SMIM10L3: variants seen among roughly 807,000 people sequenced by gnomAD.
The protein encoded by SMIM10L3 is salivary gland specific protein SAGSIN1.
At chr7:6,333,406 T>C in the SMIM10L3 span, among the ~76,000 whole-genome samples, 2 of 152,006 alleles carry the variant, frequency 1.3e-5, no homozygotes, top group African/African-American at 2.4e-5. Flanking sequence ...TGGTTCAGAA[T>C]AGACACACTA....
At chr7:6,336,551 C>G in the SMIM10L3 span, among the ~76,000 whole-genome samples, 8 of 151,854 alleles carry the variant, frequency 5.3e-5, no homozygotes, top group Admixed American at 2.6e-4. Context: ...TATGGTTGCA[C>G]ATGCCTATAA....
At chr7:6,344,608 G>A in the SMIM10L3 span, among the ~76,000 whole-genome samples, 18 of 152,130 alleles carry the variant, frequency 1.2e-4, no homozygotes, top group East Asian at 7.7e-4. Context: ...TTGTAGAGAC[G>A]GAGTTTCGCC....
At chr7:6,338,883 A>C in the SMIM10L3 span, among the ~76,000 whole-genome samples, 1 of 152,330 alleles carries the variant, frequency 6.6e-6, no homozygotes, top group Admixed American at 6.5e-5. Context: ...TAAAACCAGC[A>C]GGGCCGCGGT....
the SMIM10L3 span, chr7:6,331,290 G>T: frequency 1.3e-6 from 1 of 756,360 alleles, no homozygotes; most frequent in Non-Finnish European, 2.1e-6. Flanking sequence ...GGTCTTAAGA[G>T]CATCTACACC....
the SMIM10L3 span, among the ~76,000 whole-genome samples, chr7:6,348,305 C>G: frequency 1.3e-5 from 2 of 152,018 alleles, no homozygotes; most frequent in Non-Finnish European, 2.9e-5. Flanking sequence ...CAACACCTTT[C>G]CAGCCCATGC....
chr7:6,329,623 G>A, the SMIM10L3 span: 1 of 161,116 alleles, frequency 6.2e-6, no homozygotes, highest in East Asian at 1.9e-4. Flanking sequence ...ACGACAACAG[G>A]AGTCACCTTG....
chr7:6,341,644 C>G, the SMIM10L3 span, among the ~76,000 whole-genome samples: 67 of 148,934 alleles, frequency 4.5e-4, no homozygotes, highest in Non-Finnish European at 5.0e-4. Context: ...GAGCTGAGAT[C>G]GCGCCACCGC....
At chr7:6,346,939 G>C in the SMIM10L3 span, among the ~76,000 whole-genome samples, 1 of 152,158 alleles carries the variant, frequency 6.6e-6, no homozygotes, top group East Asian at 1.9e-4. Flanking sequence ...CTTCAGCACA[G>C]AGGTATGCAA....
the SMIM10L3 span, among the ~76,000 whole-genome samples, chr7:6,332,020 G>T: frequency 2.6e-5 from 4 of 151,374 alleles, no homozygotes; most frequent in African/African-American, 9.7e-5. Flanking sequence ...GCTGAGGTGG[G>T]AGAATCGCTT....
chr7:6,332,898 T>C, the SMIM10L3 span, among the ~76,000 whole-genome samples: 782 of 152,178 alleles, frequency 5.1e-3, 6 homozygotes, highest in African/African-American at 0.018. Flanking sequence ...CAGTGGCTCA[T>C]GCCTGTAATC....
the SMIM10L3 span, among the ~76,000 whole-genome samples, chr7:6,348,040 A>G: frequency 6.6e-6 from 1 of 151,288 alleles, no homozygotes; most frequent in Admixed American, 6.6e-5. Flanking sequence ...CCTCCCGAGT[A>G]GCTGGGATTA....
chr7:6,343,640 T>G, the SMIM10L3 span, among the ~76,000 whole-genome samples: 1 of 151,880 alleles, frequency 6.6e-6, no homozygotes, highest in Non-Finnish European at 1.5e-5. Flanking sequence ...TGCTAAGAAC[T>G]CCAGGAGATT....
At chr7:6,348,045 G>C in the SMIM10L3 span, among the ~76,000 whole-genome samples, 2 of 151,544 alleles carry the variant, frequency 1.3e-5, no homozygotes, top group East Asian at 1.9e-4. Context: ...CGAGTAGCTG[G>C]GATTACAGGC....
chr7:6,342,097 C>T, the SMIM10L3 span: 690 of 152,280 alleles, frequency 4.5e-3, 7 homozygotes, highest in Non-Finnish European at 7.0e-3. Flanking sequence ...ACCTACCCTA[C>T]GCCAGGTGCC....
chr7:6,333,042 A>T, the SMIM10L3 span, among the ~76,000 whole-genome samples: 1 of 151,996 alleles, frequency 6.6e-6, no homozygotes, highest in African/African-American at 2.4e-5. Flanking sequence ...CTGTAATCCC[A>T]GCTACCAGGG....
the SMIM10L3 span, among the ~76,000 whole-genome samples, chr7:6,335,228 ATTTTT>A: frequency 0.27 from 38,936 of 145,810 alleles, 5,161 homozygotes; most frequent in East Asian, 0.4. Flanking sequence ...ATGCCCAGCT[ATTTTT>A]TTTTTTTAAA....
the SMIM10L3 span, among the ~76,000 whole-genome samples, chr7:6,347,894 T>TATTATTATTATTATC: frequency 6.9e-6 from 1 of 144,132 alleles, no homozygotes; most frequent in South Asian, 2.2e-4. Context: ...TTATTATTAT[T>TATTATTATTATTATC]ATTATTATTA....
chr7:6,333,736 G>A, the SMIM10L3 span, among the ~76,000 whole-genome samples: 43 of 150,440 alleles, frequency 2.9e-4, no homozygotes, highest in South Asian at 6.3e-4. Context: ...AGTGCACTTC[G>A]AAGAGATCCA....
chr7:6,334,157 C>T, the SMIM10L3 span, among the ~76,000 whole-genome samples: 1 of 151,466 alleles, frequency 6.6e-6, no homozygotes, highest in Non-Finnish European at 1.5e-5. Flanking sequence ...AACTCCTGGT[C>T]TCTTAAGTGC....
Sources: allele counts gnomAD v4.1 joint callset (sites outside exome capture counted in the v4.1 genomes callset), GRCh38; gene constraint gnomAD v4.1.1; transcripts MANE v1.5; gene names NCBI Gene and HGNC (gene_info 2026-07-23, HGNC 2026-07-21).